Variants in PPM1L observed in about 807,000 individuals in gnomAD.
PPM1L encodes protein phosphatase 1L.
Under a neutral mutation model 31.4 loss-of-function variants are expected in PPM1L, and 13 were observed. The observed-to-expected ratio is 0.41, with a 90% CI of 0.27 to 0.66. The LOEUF (loss-of-function observed/expected upper bound fraction) is 0.66, where lower values mean the gene tolerates loss of function less well. Ranked by LOEUF, PPM1L falls within the 30% of genes least tolerant of loss-of-function variation. PPM1L has a pLI of 0.29. For missense variants in PPM1L, 326 were observed against 453.7 expected (o/e 0.72, Z 2.56); for synonymous variants, 184 against 175.4 (o/e 1.05, Z -0.39).
rs373741585 is a variant in PPM1L, at chr3:161,002,523, C to T, written c.574+40613C>T. On this transcript the variant is annotated intron_variant, in intron 2 of 3. Coordinates refer to ENST00000498165, the MANE Select transcript of PPM1L (RefSeq NM_139245.4). ...TGTTGTTTCCTGACTTTTTAATGAT[C>T]GCCATTGTAACTGGTGTGAGATGGT... Among the ~76,000 whole-genome samples the T allele has an allele frequency of 1.4e-4, 21 of 151,494 alleles. No homozygotes were observed. The South Asian group carries it at 1.5e-3, about 11-fold the overall frequency.
chr3:160,852,346 A>G (rs1711554147), intron 1 of PPM1L, among the ~76,000 whole-genome samples: 1 of 152,218 alleles, frequency 6.6e-6, no homozygotes, highest in Admixed American at 6.5e-5. Context: ...CTCCAAAAGC[A>G]ATTAAGGAAA....
chr3:160,890,499 C>T (rs1343434576), intron 1 of PPM1L, among the ~76,000 whole-genome samples: 1 of 152,148 alleles, frequency 6.6e-6, no homozygotes, highest in East Asian at 1.9e-4. Context: ...AAGGGAAAAA[C>T]ATTTCATCCT....
At chr3:160,946,910 A>G (rs1397076310) in intron 1 of PPM1L, among the ~76,000 whole-genome samples, 1 of 152,206 alleles carries the variant, frequency 6.6e-6, no homozygotes, top group Non-Finnish European at 1.5e-5. Context: ...TCATAAAATA[A>G]TATCTTTTCT....
intron 1 of PPM1L, among the ~76,000 whole-genome samples, chr3:160,769,766 G>A (rs1205710404): frequency 6.6e-6 from 1 of 152,010 alleles, no homozygotes; most frequent in Non-Finnish European, 1.5e-5. Context: ...AATTCAGTAG[G>A]ATTTTTGTTC....
At chr3:160,766,258 A>C (rs965571059) in intron 1 of PPM1L, among the ~76,000 whole-genome samples, 3 of 152,234 alleles carry the variant, frequency 2.0e-5, no homozygotes, top group Non-Finnish European at 4.4e-5. Context: ...CTATGCTATG[A>C]AAAGCTGCTT....
At chr3:160,849,139 C>T (rs1460511971) in intron 1 of PPM1L, among the ~76,000 whole-genome samples, 1 of 152,170 alleles carries the variant, frequency 6.6e-6, no homozygotes, top group African/African-American at 2.4e-5. Context: ...TTGGTGTTTT[C>T]TGGTCCTGGC....
At chr3:160,796,274 G>A (rs1712247171) in intron 1 of PPM1L, among the ~76,000 whole-genome samples, 1 of 152,086 alleles carries the variant, frequency 6.6e-6, no homozygotes, top group African/African-American at 2.4e-5. Flanking sequence ...TCTCTTTTTT[G>A]GGAGGTTGCT....
intron 1 of PPM1L, among the ~76,000 whole-genome samples, chr3:160,946,069 G>T (rs191005936): frequency 4.6e-5 from 7 of 152,140 alleles, no homozygotes; most frequent in Non-Finnish European, 1.0e-4. Flanking sequence ...TGGAGTTAAG[G>T]GTCAACTGTA....
chr3:161,033,673 C>A (rs1268586480), intron 2 of PPM1L, among the ~76,000 whole-genome samples: 1 of 152,162 alleles, frequency 6.6e-6, no homozygotes, highest in African/African-American at 2.4e-5. Context: ...CTTCCTTATA[C>A]CTTATACAAA....
chr3:160,935,880 T>G (rs1325527271), intron 1 of PPM1L, among the ~76,000 whole-genome samples: 1 of 152,212 alleles, frequency 6.6e-6, no homozygotes, highest in East Asian at 1.9e-4. Context: ...CCAGTAAAGC[T>G]GGCAATCCCA....
At chr3:160,787,677 C>T (rs567563246) in intron 1 of PPM1L, among the ~76,000 whole-genome samples, 135 of 152,074 alleles carry the variant, frequency 8.9e-4, no homozygotes, top group Non-Finnish European at 1.5e-3. Flanking sequence ...TTTGCCAGGA[C>T]CTATGTCCAG....
At chr3:161,062,170 C>T (rs772064418) in intron 2 of PPM1L, among the ~76,000 whole-genome samples, 2 of 152,102 alleles carry the variant, frequency 1.3e-5, no homozygotes, top group Admixed American at 6.5e-5. Context: ...TTCTCAGAAG[C>T]CCCCAGCAGA....
Position 160,756,488 on chromosome 3 carries a change from G to A in PPM1L, c.180G>A (p.Lys60=). 2.5e-6 allele frequency: 4 copies of A among 1,614,166 alleles called. No homozygotes were observed. The highest frequency in any genetic ancestry group is 3.4e-6 in the Non-Finnish European group (4 of 1,180,026). The change falls in exon 1 of 4, where the codon AAG becomes AAA. Residue 60 remains lysine (K), a synonymous_variant. Coordinates refer to ENST00000498165, the MANE Select transcript of PPM1L (RefSeq NM_139245.4). The surrounding 1 kb of genome is among the most constrained non-coding windows in gnomAD (Gnocchi z 6.2). ...KSSRDAVKMV[K]GKVAEIMQND... is the part of the protein sequence containing the mutation. Reference sequence around the variant, plus strand: ...GCCGGGACGCCGTGAAGATGGTGAAGGGCAAGGTAGCCGAGATCATGCAGA... The same window carrying A: ...GCCGGGACGCCGTGAAGATGGTGAAAGGCAAGGTAGCCGAGATCATGCAGA...
chr3:160,887,086 C>T lies in PPM1L; in HGVS notation c.400-74650C>T, dbSNP rs373642729. Among the ~76,000 whole-genome samples, 193 of 151,778 alleles carry T rather than the reference C, an allele frequency of 1.3e-3. 3 individuals carry two copies. The South Asian group carries it at 0.039, about 30-fold the overall frequency. On this transcript the variant is annotated intron_variant, in intron 1 of 3. Transcript: ENST00000498165. Reference sequence around the variant, plus strand: ...CATAGATAAGTATCAATAGCTGAATCAATCAAGCAGAAGAAAGGATATCAG... The same window carrying T: ...CATAGATAAGTATCAATAGCTGAATTAATCAAGCAGAAGAAAGGATATCAG...
At position 160,961,727 on chromosome 3, in the gene PPM1L, T is replaced by C. The variant is rs376464503; in HGVS notation, c.400-9T>C. The C allele has an allele frequency of 4.5e-6, 7 of 1,572,108 alleles. No individual in the cohort carries two copies. In the African/African-American group the frequency reaches 9.7e-5, roughly 22 times the overall value. The stretch of plus-strand genomic sequence containing the variant: ...TGGAGTTCTCTCTCTCTGACTGTTT[T>C]ATCTGCAGACTGCAGCTGAATATGT... On this transcript the variant is annotated splice_polypyrimidine_tract_variant and intron_variant, in intron 1 of 3. Coordinates refer to ENST00000498165, the MANE Select transcript of PPM1L (RefSeq NM_139245.4).
At chr3:160,788,848 C>T (rs928796131) in intron 1 of PPM1L, among the ~76,000 whole-genome samples, 7 of 151,742 alleles carry the variant, frequency 4.6e-5, no homozygotes, top group African/African-American at 9.7e-5. Context: ...CCTGTAGGGT[C>T]TATTTCTGGA....
intron 1 of PPM1L, among the ~76,000 whole-genome samples, chr3:160,909,790 C>T (rs997986695): frequency 2.6e-5 from 4 of 152,158 alleles, no homozygotes; most frequent in African/African-American, 4.8e-5. Flanking sequence ...TAGAACAATG[C>T]GACATTAAGA....
intron 2 of PPM1L, among the ~76,000 whole-genome samples, chr3:161,014,336 T>C (rs1203137997): frequency 6.6e-6 from 1 of 152,214 alleles, no homozygotes; most frequent in African/African-American, 2.4e-5. Context: ...CAATATATCA[T>C]TTAATAGAAG....
chr3:161,057,629 A>C (rs1719449553), intron 2 of PPM1L, among the ~76,000 whole-genome samples: 1 of 152,108 alleles, frequency 6.6e-6, no homozygotes, highest in Non-Finnish European at 1.5e-5. Flanking sequence ...AACGTTTAAA[A>C]ATCAGGAGAG....
Sources: gnomAD v4.1 joint callset for allele counts (sites outside exome capture counted in the v4.1 genomes callset) on GRCh38, gnomAD v4.1.1 for gene constraint, Gnocchi (gnomAD v3.1) non-coding constraint, MANE v1.5 for transcripts, NCBI Gene and HGNC (gene_info 2026-07-23, HGNC 2026-07-21) for gene names.